The following KLHL32 variants were observed in gnomAD, a reference collection of about 807,000 sequenced individuals.
The protein encoded by KLHL32 is kelch like family member 32, also known as kelch-like protein 32.
Under a neutral mutation model 64.8 loss-of-function variants are expected in KLHL32, and 35 were observed. The ratio of observed to expected loss-of-function variants is 0.54; its 90% CI spans 0.41 to 0.72. The LOEUF is 0.72. Among genes scored for constraint, KLHL32 ranks in the 30% least tolerant of loss-of-function variants. KLHL32 has a pLI of 0.00. For synonymous variants in KLHL32, 259 were observed against 281.0 expected (o/e 0.92, Z 0.78); for missense variants, 589 against 768.5 (o/e 0.77, Z 2.76).
intron 6 of KLHL32, chr6:97,105,619 A>G (rs1262578846): frequency 1.2e-5 from 5 of 420,672 alleles, no homozygotes; most frequent in Middle Eastern, 3.5e-4. Flanking sequence ...CAGATTTTAC[A>G]TAGGAACATA....
At chr6:97,053,101 C>T (rs571404425) in intron 4 of KLHL32, among the ~76,000 whole-genome samples, 5 of 152,056 alleles carry the variant, frequency 3.3e-5, no homozygotes, top group Non-Finnish European at 7.4e-5. Context: ...CACACACACA[C>T]ACGCACACAC....
At chr6:96,990,152 A>G (rs1777672572) in intron 3 of KLHL32, among the ~76,000 whole-genome samples, 1 of 152,192 alleles carries the variant, frequency 6.6e-6, no homozygotes, top group Non-Finnish European at 1.5e-5. Context: ...TGTTTGGAGA[A>G]AAAGACACTC....
At chr6:96,908,581 A>G in the KLHL32 span, among the ~76,000 whole-genome samples, 1 of 152,370 alleles carries the variant, frequency 6.6e-6, no homozygotes, top group African/African-American at 2.4e-5. Flanking sequence ...GAAAAGAGAA[A>G]AAGACCAAAG....
chr6:97,117,410 T>C (rs962723331), intron 7 of KLHL32, among the ~76,000 whole-genome samples: 2 of 152,172 alleles, frequency 1.3e-5, no homozygotes, highest in Admixed American at 1.3e-4. Flanking sequence ...GAACACAGAA[T>C]GAATGTTTCT....
chr6:96,967,933 A>T (rs906922092), intron 2 of KLHL32, among the ~76,000 whole-genome samples: 1 of 152,208 alleles, frequency 6.6e-6, no homozygotes, highest in African/African-American at 2.4e-5. Flanking sequence ...CATTCATTTG[A>T]ATAGTCTCAC....
chr6:96,909,600 G>A, the KLHL32 span, among the ~76,000 whole-genome samples: 1 of 152,190 alleles, frequency 6.6e-6, no homozygotes, highest in Non-Finnish European at 1.5e-5. Context: ...AGCAGAGATA[G>A]GGGAAACTTT....
intron 6 of KLHL32, among the ~76,000 whole-genome samples, chr6:97,098,160 T>C (rs1206153): frequency 0.53 from 81,176 of 151,964 alleles, 21,834 homozygotes; most frequent in Middle Eastern, 0.61. Flanking sequence ...CATCTAATAA[T>C]GCTGGTGTTT....
chr6:97,041,312 G>A (rs1001073178), intron 3 of KLHL32, among the ~76,000 whole-genome samples, 180 bp from the exon 4 acceptor site: 1 of 152,222 alleles, frequency 6.6e-6, no homozygotes, highest in African/African-American at 2.4e-5. Context: ...TATTGCAACT[G>A]TTCAGACATC....
intron 3 of KLHL32, among the ~76,000 whole-genome samples, chr6:97,033,768 A>T (rs1783919093): frequency 6.6e-6 from 1 of 152,054 alleles, no homozygotes; most frequent in Non-Finnish European, 1.5e-5. Flanking sequence ...CTTTTCCCTG[A>T]TGATTAGTGA....
intron 1 of KLHL32, among the ~76,000 whole-genome samples, chr6:96,931,350 A>C (rs1582374266): frequency 6.6e-6 from 1 of 151,950 alleles, no homozygotes; most frequent in Non-Finnish European, 1.5e-5. Flanking sequence ...TTTCAAAGTC[A>C]CCCCCCGGCT....
chr6:97,008,923 C>T (rs985963402), intron 3 of KLHL32, among the ~76,000 whole-genome samples: 11 of 152,094 alleles, frequency 7.2e-5, no homozygotes, highest in African/African-American at 2.7e-4. Context: ...GCTCCCCAGC[C>T]GCATTTTTAT....
the KLHL32 span, among the ~76,000 whole-genome samples, chr6:96,899,605 G>A: frequency 6.6e-6 from 1 of 152,178 alleles, no homozygotes; most frequent in African/African-American, 2.4e-5. Context: ...CAGCTGCTTT[G>A]CCTGATCCTG....
chr6:96,978,358 G>A (rs1354917523), intron 3 of KLHL32, among the ~76,000 whole-genome samples: 3 of 152,070 alleles, frequency 2.0e-5, no homozygotes, highest in East Asian at 1.9e-4. Flanking sequence ...AGTATTCTCC[G>A]TGTTTAGCTC....
chr6:97,033,170 G>A (rs1783812149), intron 3 of KLHL32, among the ~76,000 whole-genome samples: 1 of 152,036 alleles, frequency 6.6e-6, no homozygotes, highest in East Asian at 1.9e-4. Flanking sequence ...TATATGTACT[G>A]GGAAACCAAA....
chr6:96,946,820 C>G (rs1038500074), intron 1 of KLHL32, among the ~76,000 whole-genome samples: 2 of 151,902 alleles, frequency 1.3e-5, no homozygotes, highest in African/African-American at 2.4e-5. Flanking sequence ...GTTTTATACT[C>G]TGGTTACTTA....
At chr6:97,045,451 C>A (rs1785776665) in intron 4 of KLHL32, among the ~76,000 whole-genome samples, 1 of 151,928 alleles carries the variant, frequency 6.6e-6, no homozygotes, top group African/African-American at 2.4e-5. Context: ...ATAGCTCTTA[C>A]TTCACAGGTG....
rs764437503 is a variant in KLHL32 at position 97,007,489 on chromosome 6, A to C, written c.204+31312A>C. On this transcript the variant is annotated intron_variant, in intron 3 of 10. Transcript: ENST00000369261. ...TATTTTGAATTCTATGTGTCATTTG[A>C]GCCATTTCAGCCTGGTTAAGAACCA... Among the ~76,000 whole-genome samples, 189 of 152,034 alleles carry C rather than the reference A, an allele frequency of 1.2e-3. 2 individuals are homozygous for C. Among genetic ancestry groups the C allele is most frequent in the Non-Finnish European group, 8.2e-4 (56 of 68,032 alleles).
chr6:96,936,991 C>T (rs1770687704), intron 1 of KLHL32, among the ~76,000 whole-genome samples: 2 of 152,074 alleles, frequency 1.3e-5, no homozygotes. Flanking sequence ...TGCCCACCAC[C>T]CCAACCCCTT....
At chr6:97,082,146 G>A (rs1469153018) in intron 5 of KLHL32, among the ~76,000 whole-genome samples, 1 of 152,268 alleles carries the variant, frequency 6.6e-6, no homozygotes, top group African/African-American at 2.4e-5. Context: ...AAGTCCAGAC[G>A]GGATGATAAG....
Sources: gnomAD v4.1 joint callset for allele counts (sites outside exome capture counted in the v4.1 genomes callset) on GRCh38, gnomAD v4.1.1 for gene constraint, MANE v1.5 for transcripts, NCBI Gene and HGNC (gene_info 2026-07-23, HGNC 2026-07-21) for gene names.